Variants in ALDOB observed in about 807,000 individuals in gnomAD.
ALDOB encodes aldolase, fructose-bisphosphate B.
In ALDOB, 39 loss-of-function variants were observed where a neutral mutation model predicts 41.0. The ratio of observed to expected loss-of-function variants is 0.95; its 90% CI spans 0.74 to 1.24. The LOEUF (loss-of-function observed/expected upper bound fraction) is 1.24, where lower values mean the gene tolerates loss of function less well. ALDOB is among the 50% of genes most tolerant of loss of function. ALDOB has a pLI of 0.00. For synonymous variants in ALDOB, 175 were observed against 168.8 expected (o/e 1.04, Z -0.28); for missense variants, 530 against 457.3 (o/e 1.16, Z -1.45).
At chr9:101,424,659 G>T (rs1323081878) in intron 8 of ALDOB, among the ~76,000 whole-genome samples, 184 bp downstream of exon 8, 1 of 152,094 alleles carries the variant, frequency 6.6e-6, no homozygotes, top group Non-Finnish European at 1.5e-5. Context: ...CTCTAGTGTG[G>T]ATAATTCAAA....
intron 8 of ALDOB, among the ~76,000 whole-genome samples, chr9:101,422,998 C>A (rs1564076761): frequency 6.6e-6 from 1 of 152,106 alleles, no homozygotes; most frequent in African/African-American, 2.4e-5. Context: ...ACTCAGCTTC[C>A]CTTCTTCTGT....
In ALDOB at chr9:101,425,501, T is replaced by C. The variant is rs1564077443; in HGVS notation, c.751A>G (p.Met251Val). 6.2e-7 allele frequency: 1 copy of C among 1,614,150 alleles called. No individual in the cohort carries two copies. Among genetic ancestry groups the C allele is most frequent in the Non-Finnish European group, 8.5e-7 (1 of 1,180,026 alleles). The change falls in exon 7 of 9, where the codon ATG becomes GTG. Residue 251 changes from methionine to valine, a missense_variant. Met to Val is a conservative substitution (Grantham distance 21, BLOSUM62 1). Coordinates refer to ENST00000647789, the MANE Select transcript of ALDOB (RefSeq NM_000035.4). ...CGGTGGAGAGCTGTTACGGTGGCCA[T>C]AGCTACTTGTTCTGGAGTATACTTC... ...TKKYTPEQVA[M>V]ATVTALHRTV...
At chr9:101,428,197 T>C (rs984285804) in intron 4 of ALDOB, among the ~76,000 whole-genome samples, 2 of 152,230 alleles carry the variant, frequency 1.3e-5, no homozygotes, top group Non-Finnish European at 2.9e-5. Context: ...TCCAAGGTAC[T>C]GTGGTAAGCA....
chr9:101,424,500 A>G (rs1390638732), intron 8 of ALDOB, among the ~76,000 whole-genome samples: 3 of 152,160 alleles, frequency 2.0e-5, no homozygotes, highest in Non-Finnish European at 4.4e-5. Context: ...GGTTCACCCT[A>G]CAATATAATC....
intron 3 of ALDOB, among the ~76,000 whole-genome samples, chr9:101,429,207 G>A (rs1223285628): frequency 6.7e-6 from 1 of 148,434 alleles, no homozygotes; most frequent in African/African-American, 2.5e-5. Context: ...AGGCTGGAGT[G>A]CAGTGGTATG....
At chr9:101,434,926 G>A (rs1029184226) in intron 1 of ALDOB, among the ~76,000 whole-genome samples, 14 of 152,114 alleles carry the variant, frequency 9.2e-5, no homozygotes, top group African/African-American at 3.4e-4. Context: ...TGGAGCCCTA[G>A]GTAACTATTT....
rs901970177 is a variant in ALDOB at position 101,432,147 on chromosome 9, T to TA, written c.-10-1251dup. ...GCTGTCAGTACTCTGTCCCTTGATATAAAAAGTCAGTAGCCACTGAGCTAA... is the reference window on the plus strand; with the variant it reads ...GCTGTCAGTACTCTGTCCCTTGATATAAAAAAGTCAGTAGCCACTGAGCTAA... On this transcript the variant is annotated intron_variant, in intron 1 of 8. Transcript: ENST00000647789. Among the ~76,000 whole-genome samples the TA allele has an allele frequency of 2.4e-4, 37 of 152,196 alleles. 1 individual carries two copies. The highest frequency in any genetic ancestry group is 8.7e-4 in the African/African-American group (36 of 41,446).
chr9:101,429,852 C>G lies in ALDOB; in HGVS notation c.227G>C (p.Gly76Ala), dbSNP rs764779161. 2 of 1,614,094 alleles carry G rather than the reference C, an allele frequency of 1.2e-6. No individual in the cohort carries two copies. The highest frequency in any genetic ancestry group is 1.7e-6 in the Non-Finnish European group (2 of 1,180,024). Residue 76 changes from glycine to alanine, a missense_variant, in exon 3 of 9, where the codon GGT becomes GCT. By Grantham distance (60) the Gly-to-Ala change is moderately conservative. Coordinates refer to ENST00000647789, the MANE Select transcript of ALDOB (RefSeq NM_000035.4). ...GAGGGTCTCGTGGAAAAGGATCACA[C>G]CCCCGATGCTCTGGTTGATGGAACT... ...VDSSINQSIG[G>A]VILFHETLYQ... is the part of the protein sequence containing the mutation.
At chr9:101,428,090 G>A (rs1162448045) in intron 4 of ALDOB, among the ~76,000 whole-genome samples, 1 of 152,112 alleles carries the variant, frequency 6.6e-6, no homozygotes, top group Non-Finnish European at 1.5e-5. Context: ...TTCAAACCCA[G>A]GTGTGTCTGA....
intron 1 of ALDOB, among the ~76,000 whole-genome samples, chr9:101,431,825 G>C (rs1210265746): frequency 6.6e-6 from 1 of 152,150 alleles, no homozygotes; most frequent in Non-Finnish European, 1.5e-5. Context: ...CCTATCCAAT[G>C]CCAGGGTCTC....
intron 8 of ALDOB, among the ~76,000 whole-genome samples, chr9:101,423,737 A>G (rs775786749): frequency 2.0e-5 from 3 of 151,950 alleles, no homozygotes; most frequent in African/African-American, 4.8e-5. Flanking sequence ...TCTCCACTCA[A>G]TTATCCCCAC....
In ALDOB at chr9:101,427,618, C is replaced by G; in HGVS notation, c.404G>C (p.Cys135Ser). The change falls in exon 5 of 9, where the codon TGT (cysteine) becomes TCT (serine). Residue 135 changes from cysteine to serine, a missense_variant. Coordinates refer to ENST00000647789, the MANE Select transcript of ALDOB (RefSeq NM_000035.4). Reference sequence around the variant, plus strand: ...AACACCATCTTTCTTGTACTGAGCACAGCGCTCTGAGAGGCCATCAAGCCC... The same window carrying G: ...AACACCATCTTTCTTGTACTGAGCAGAGCGCTCTGAGAGGCCATCAAGCCC... ...IQGLDGLSER[C>S]AQYKKDGVDF... The G allele has an allele frequency of 6.2e-7, 1 of 1,614,114 alleles. No homozygotes were observed. The highest frequency in any genetic ancestry group is 8.5e-7 in the Non-Finnish European group (1 of 1,180,036).
In ALDOB at chr9:101,434,155, G is replaced by T. The variant is rs995692460; in HGVS notation, c.-11+1554C>A. ...ATGTATATAAATCTGGAGGAAAGTT[G>T]TATTAACAACAGAAGGTAACCACAG... On this transcript the variant is annotated intron_variant, in intron 1 of 8. Transcript: ENST00000647789. 5.3e-5 allele frequency among the ~76,000 whole-genome samples: 8 copies of T among 152,138 alleles called. 1 individual carries two copies. The East Asian group carries it at 1.5e-3, about 29-fold the overall frequency.
chr9:101,428,365 G>C (rs555746457), intron 4 of ALDOB, 104 bp downstream of exon 4: 29 of 1,057,496 alleles, frequency 2.7e-5, no homozygotes, highest in Middle Eastern at 4.0e-4. Context: ...GTGGCTCTAA[G>C]ACCAGTGTAA....
intron 2 of ALDOB, among the ~76,000 whole-genome samples, chr9:101,430,434 C>T (rs189177383): frequency 2.8e-4 from 42 of 152,326 alleles, no homozygotes; most frequent in Non-Finnish European, 5.1e-4. Flanking sequence ...TCCTGCCCTT[C>T]TTGACTCAAC....
Position 101,425,480 on chromosome 9 carries a change from G to T in ALDOB, c.772C>A (p.His258Asn), listed in dbSNP as rs761061896. 4 of 1,614,212 alleles carry T rather than the reference G, an allele frequency of 2.5e-6. No individual in the cohort carries two copies. The highest frequency in any genetic ancestry group is 1.6e-4 in the Middle Eastern group (1 of 6,062). The change falls in exon 7 of 9, where the codon CAC becomes AAC. Residue 258 changes from histidine to asparagine, a missense_variant. His to Asn is a moderately conservative substitution (Grantham distance 68, BLOSUM62 1). Coordinates refer to ENST00000647789, the MANE Select transcript of ALDOB (RefSeq NM_000035.4). ...QVAMATVTAL[H>N]RTVPAAVPGI... Reference sequence around the variant, plus strand: ...GGAACAGCTGCAGGAACAGTACGGTGGAGAGCTGTTACGGTGGCCATAGCT... The same window carrying T: ...GGAACAGCTGCAGGAACAGTACGGTTGAGAGCTGTTACGGTGGCCATAGCT...
At position 101,421,414 on chromosome 9, in the gene ALDOB, G is replaced by C. The variant is rs1831044369; in HGVS notation, c.*395C>G. ...AATATTTATTTCTTTTTTGGTTGCA[G>C]CTATCTCCTTCCCAACCTACCACTG... On this transcript the variant is annotated 3_prime_UTR_variant, in exon 9 of 9. Coordinates refer to ENST00000647789, the MANE Select transcript of ALDOB (RefSeq NM_000035.4). 3.2e-6 allele frequency: 1 copy of C among 312,416 alleles called. No individual in the cohort carries two copies. The highest frequency in any genetic ancestry group is 6.3e-6 in the Non-Finnish European group (1 of 159,450). 19.4% of individuals were successfully genotyped at this position (312,416 alleles called of 1,614,324 possible).
chr9:101,426,438 A>G (rs192913693), intron 6 of ALDOB, 117 bp downstream of exon 6: 49 of 739,326 alleles, frequency 6.6e-5, no homozygotes, highest in African/African-American at 1.9e-4. Context: ...TACCTTCTCT[A>G]TGCTATCCAT....
At position 101,421,780 on chromosome 9, in the gene ALDOB, A is replaced by T. The variant is rs1187264638; in HGVS notation, c.*29T>A. ...CCCTTTCAGCCCTCCTACTAGAAGCACTGGAGCTAGGCTGGCGGGCATTGG... is the reference window on the plus strand; with the variant it reads ...CCCTTTCAGCCCTCCTACTAGAAGCTCTGGAGCTAGGCTGGCGGGCATTGG... On this transcript the variant is annotated 3_prime_UTR_variant, in exon 9 of 9. Coordinates refer to ENST00000647789, the MANE Select transcript of ALDOB (RefSeq NM_000035.4). The T allele has an allele frequency of 1.3e-6, 2 of 1,594,984 alleles. No individual in the cohort carries two copies. Among genetic ancestry groups the T allele is most frequent in the Admixed American group, 3.3e-5 (2 of 59,874 alleles).
Sources: gnomAD v4.1 joint callset for allele counts (sites outside exome capture counted in the v4.1 genomes callset) on GRCh38, gnomAD v4.1.1 for gene constraint, MANE v1.5 for transcripts, NCBI Gene and HGNC (gene_info 2026-07-23, HGNC 2026-07-21) for gene names.